MCPH1: variants seen among roughly 807,000 people sequenced by gnomAD.
MCPH1 encodes the protein microcephalin 1, also known as microcephalin.
MCPH1 carries 104 observed loss-of-function variants against 84.5 expected under a neutral mutation model. The observed-to-expected ratio is 1.23, with a 90% CI of 1.05 to 1.45. The LOEUF is 1.45. MCPH1 is among the 40% of genes most tolerant of loss of function. The probability of loss-of-function intolerance (pLI) is 0.00; values close to 1 mark genes in which losing one functional copy is unlikely to be tolerated. For missense variants in MCPH1, 1,498 were observed against 1,005.7 expected (o/e 1.49, Z -6.62); for synonymous variants, 514 against 366.8 (o/e 1.40, Z -4.58).
chr8:6,465,924 G>GATGCATCCATCCATCCATCCATCCATCC (rs368134296), intron 9 of MCPH1, among the ~76,000 whole-genome samples: 96 of 148,352 alleles, frequency 6.5e-4, no homozygotes, highest in Non-Finnish European at 1.1e-3. Context: ...TTTATCTATC[G>GATGCATCCATCCATCCATCCATCCATCC]ATCCATCCAT....
At chr8:6,511,070 C>G (rs987842608) in intron 12 of MCPH1, among the ~76,000 whole-genome samples, 5 of 152,198 alleles carry the variant, frequency 3.3e-5, no homozygotes, top group African/African-American at 1.2e-4. Context: ...TTAACTCTCT[C>G]TTGTCTCCTT....
chr8:6,632,606 G>C (rs1024751842), intron 13 of MCPH1, among the ~76,000 whole-genome samples: 1 of 152,084 alleles, frequency 6.6e-6, no homozygotes, highest in Non-Finnish European at 1.5e-5. Flanking sequence ...TCAGGAGATC[G>C]AGACCATCCT....
intron 12 of MCPH1, among the ~76,000 whole-genome samples, chr8:6,609,280 G>GTGGTATGCGTGT (rs1240584115): frequency 1.3e-5 from 2 of 152,186 alleles, no homozygotes; most frequent in Non-Finnish European, 2.9e-5. Context: ...CGCATGGACG[G>GTGGTATGCGTGT]GACCCAGAGC....
At chr8:6,565,643 C>T (rs910743770) in intron 12 of MCPH1, among the ~76,000 whole-genome samples, 1 of 152,248 alleles carries the variant, frequency 6.6e-6, no homozygotes, top group African/African-American at 2.4e-5. Flanking sequence ...GAGGGCACAC[C>T]ACAGTACTTT....
intron 13 of MCPH1, among the ~76,000 whole-genome samples, chr8:6,633,866 C>T (rs1797342311): frequency 6.6e-6 from 1 of 152,092 alleles, no homozygotes; most frequent in Non-Finnish European, 1.5e-5. Context: ...TGCAGATCCC[C>T]CTATGTGTAA....
rs34907559 is a variant in MCPH1, at chr8:6,645,606, C to CAAAAAA, written c.*2572_*2577dup. The CAAAAAA allele has an allele frequency of 1.9e-5, 1 of 51,754 alleles. No individual in the cohort carries two copies. The highest frequency in any genetic ancestry group is 6.4e-5 in the African/African-American group (1 of 15,656). 3.2% of individuals were successfully genotyped at this position (51,754 alleles called of 1,614,324 possible). ...CTATGTATAGAAATTGTAAGGAATG[C>CAAAAAA]AAAAAAAAAAAAAAAAAAAAGCCCT... is the stretch of plus-strand genomic sequence containing the variant. On this transcript the variant is annotated 3_prime_UTR_variant, in exon 14 of 14. Coordinates refer to ENST00000344683, the MANE Select transcript of MCPH1 (RefSeq NM_024596.5).
intron 12 of MCPH1, among the ~76,000 whole-genome samples, chr8:6,525,336 C>T (rs932021019): frequency 2.0e-5 from 3 of 152,158 alleles, no homozygotes; most frequent in Non-Finnish European, 2.9e-5. Context: ...TTCAAGCGAT[C>T]CACCTGCCTC....
In MCPH1 at chr8:6,576,841, C is replaced by G. The variant is rs545503023; in HGVS notation, c.2215-44613C>G. 5.3e-5 allele frequency among the ~76,000 whole-genome samples: 8 copies of G among 151,758 alleles called. No individual in the cohort carries two copies. In the South Asian group the frequency reaches 1.7e-3, roughly 32 times the overall value. ...GCCTCCTAAAGTGCTGGGAGAGGCA[C>G]AGGCGTCAGCCACAGTGCCTGGCCT... On this transcript the variant is annotated intron_variant, in intron 12 of 13. Coordinates refer to ENST00000344683, the MANE Select transcript of MCPH1 (RefSeq NM_024596.5).
At chr8:6,615,401 C>A (rs1410180793) in intron 12 of MCPH1, among the ~76,000 whole-genome samples, 6 of 152,212 alleles carry the variant, frequency 3.9e-5, no homozygotes, top group Non-Finnish European at 8.8e-5. Flanking sequence ...CTGATACTCA[C>A]AATGAAATGA....
intron 3 of MCPH1, among the ~76,000 whole-genome samples, chr8:6,415,395 C>T (rs1423935953): frequency 6.6e-6 from 1 of 151,250 alleles, no homozygotes; most frequent in Non-Finnish European, 1.5e-5. Context: ...TCAAGTGATT[C>T]TTATGCCTCA....
chr8:6,538,337 C>G lies in MCPH1; in HGVS notation c.2214+38408C>G, dbSNP rs73507128. The stretch of plus-strand genomic sequence containing the variant: ...ATCTTCCCGCCCAGGGTCCACTGTC[C>G]TCTCTGTCTCTTGCTGGCCACGCAT... On this transcript the variant is annotated intron_variant, in intron 12 of 13. Transcript: ENST00000344683. Among the ~76,000 whole-genome samples, 428 of 152,324 alleles carry G rather than the reference C, an allele frequency of 2.8e-3. 2 individuals carry two copies. The highest frequency in any genetic ancestry group is 9.8e-3 in the African/African-American group (408 of 41,572).
At chr8:6,633,676 C>G (rs1156820740) in intron 13 of MCPH1, among the ~76,000 whole-genome samples, 1 of 152,140 alleles carries the variant, frequency 6.6e-6, no homozygotes, top group Non-Finnish European at 1.5e-5. Context: ...CCCAAATTCC[C>G]CCACACAAGC....
intron 12 of MCPH1, among the ~76,000 whole-genome samples, chr8:6,610,164 A>T (rs1242421539): frequency 6.6e-6 from 1 of 152,126 alleles, no homozygotes; most frequent in Admixed American, 6.5e-5. Flanking sequence ...CAGACTGTTA[A>T]ATGCTCATGC....
Position 6,648,279 on chromosome 8 carries a change from A to G in MCPH1, c.*5230A>G, listed in dbSNP as rs567974985. 1 of 152,276 alleles carries G rather than the reference A, an allele frequency of 6.6e-6. No individual in the cohort carries two copies. Among genetic ancestry groups the G allele is most frequent in the African/African-American group, 2.4e-5 (1 of 41,464 alleles). 9.4% of individuals were successfully genotyped at this position (152,276 alleles called of 1,614,324 possible). On this transcript the variant is annotated 3_prime_UTR_variant, in exon 14 of 14. Transcript: ENST00000344683. ...CTCCACAGTGGCCAGAAGGTTTTCC[A>G]TACCTGAGCCTGCTTCTACCCACTT...
intron 4 of MCPH1, 100 bp from the exon 5 acceptor site, chr8:6,435,948 C>T: frequency 7.1e-7 from 1 of 1,401,538 alleles, no homozygotes; most frequent in South Asian, 1.3e-5. Flanking sequence ...TTTTTTATTA[C>T]TGATGTTATA....
intron 12 of MCPH1, among the ~76,000 whole-genome samples, chr8:6,505,938 A>G (rs1344406295): frequency 1.4e-5 from 1 of 73,442 alleles, no homozygotes; most frequent in Non-Finnish European, 2.3e-5. Context: ...AAACATACAT[A>G]TTCTTTATAT....
chr8:6,616,170 G>A (rs1260209217), intron 12 of MCPH1: 1 of 152,182 alleles, frequency 6.6e-6, no homozygotes, highest in Non-Finnish European at 1.5e-5. Flanking sequence ...GAGAACTACA[G>A]CCCTGTAAGA....
intron 12 of MCPH1, among the ~76,000 whole-genome samples, chr8:6,538,362 T>G (rs1046027846): frequency 6.6e-6 from 1 of 152,194 alleles, no homozygotes; most frequent in Non-Finnish European, 1.5e-5. Context: ...TGGCCACGCA[T>G]CCCCCAGCTG....
Position 6,580,746 on chromosome 8 carries a change from G to A in MCPH1, c.2215-40708G>A, listed in dbSNP as rs192831067. ...CATTATAGAGGAGGAAAAAGACCCA[G>A]GAGGCAGAAAGACTTCCCTGAGGGC... On this transcript the variant is annotated intron_variant, in intron 12 of 13. Coordinates refer to ENST00000344683, the MANE Select transcript of MCPH1 (RefSeq NM_024596.5). 8.5e-4 allele frequency among the ~76,000 whole-genome samples: 129 copies of A among 152,308 alleles called. 1 individual carries two copies. Among genetic ancestry groups the A allele is most frequent in the African/African-American group, 3.0e-3 (124 of 41,584 alleles).
Sources: allele counts gnomAD v4.1 joint callset (sites outside exome capture counted in the v4.1 genomes callset), GRCh38; gene constraint gnomAD v4.1.1; transcripts MANE v1.5; gene names NCBI Gene and HGNC (gene_info 2026-07-23, HGNC 2026-07-21).